The following PCDHGB4 variants were observed in gnomAD, a reference collection of about 807,000 sequenced individuals.
PCDHGB4 encodes the protein protocadherin gamma-B4.
PCDHGB4 carries 38 observed loss-of-function variants against 60.5 expected under a neutral mutation model. The observed-to-expected ratio is 0.63, with a 90% CI of 0.48 to 0.82. The LOEUF is 0.82. Among genes scored for constraint, PCDHGB4 ranks in the 40% least tolerant of loss-of-function variants. The probability of loss-of-function intolerance (pLI) is 0.00; values close to 1 mark genes in which losing one functional copy is unlikely to be tolerated. For synonymous variants in PCDHGB4, 456 were observed against 509.7 expected, an observed-to-expected ratio of 0.89 and a Z score of 1.42; for missense variants, 1,109 against 1,209.6, an observed-to-expected ratio of 0.92 and a Z score of 1.23.
rs2092045935 is a variant in PCDHGB4, at chr5:141,390,100, C to A, written c.2216C>A (p.Pro739His). The change falls in exon 1 of 4, where the codon CCC becomes CAC. Residue 739 changes from proline to histidine, a missense_variant. Coordinates refer to ENST00000519479, the MANE Select transcript of PCDHGB4 (RefSeq NM_003736.4). ...GTTAAATCCGAATCCGTGGTTCCCCCCAACTACAGCGAGGGGACTTTGCCT... is the reference window on the plus strand; with the variant it reads ...GTTAAATCCGAATCCGTGGTTCCCCACAACTACAGCGAGGGGACTTTGCCT... ...LCVKSESVVP[P>H]NYSEGTLPYS... The A allele has an allele frequency of 1.2e-6, 2 of 1,614,060 alleles. No homozygotes were observed. The highest frequency in any genetic ancestry group is 1.7e-6 in the Non-Finnish European group (2 of 1,179,888).
intron 1 of PCDHGB4, chr5:141,428,729 A>T (rs1362138016): frequency 6.3e-6 from 1 of 159,768 alleles, no homozygotes; most frequent in East Asian, 1.8e-4. Flanking sequence ...AATCTTAAAC[A>T]TATTATATCT....
At position 141,490,207 on chromosome 5, in the gene PCDHGB4, C is replaced by G. The variant is rs142098675; in HGVS notation, c.2398-4600C>G. ...TTTCTATGAAATTCATGCAAGAGCC[C>G]GTGACCAGGGACAGCCTGCCATGGA... On this transcript the variant is annotated intron_variant, in intron 1 of 3. Coordinates refer to ENST00000519479, the MANE Select transcript of PCDHGB4 (RefSeq NM_003736.4). This position sits in a 1 kb window ranked among gnomAD's most constrained non-coding sequence, Gnocchi z 5.4. 2.9e-4 allele frequency: 470 copies of G among 1,614,056 alleles called. 1 individual carries two copies. Among genetic ancestry groups the G allele is most frequent in the Non-Finnish European group, 3.7e-4 (439 of 1,180,030 alleles).
chr5:141,394,633 G>T, intron 1 of PCDHGB4: 2 of 1,613,390 alleles, frequency 1.2e-6, no homozygotes, highest in Non-Finnish European at 1.7e-6. Context: ...CTGTCCTACC[G>T]CCTGCTCAAG....
Position 141,388,511 on chromosome 5 carries a change from C to G in PCDHGB4, c.627C>G (p.His209Gln). 6.2e-7 allele frequency: 1 copy of G among 1,613,868 alleles called. No homozygotes were observed. Among genetic ancestry groups the G allele is most frequent in the Non-Finnish European group, 8.5e-7 (1 of 1,179,906 alleles). Residue 209 changes from histidine (H) to glutamine (Q), a missense_variant, in exon 1 of 4, where the codon CAC becomes CAG. Physicochemically the swap from His to Gln is conservative, Grantham distance 24 (BLOSUM62 0). Coordinates refer to ENST00000519479, the MANE Select transcript of PCDHGB4 (RefSeq NM_003736.4). ...ACAGAGAAAAGCAGAAATCCTACCA[C>G]TTGACTTTGACTGCCTTGGACTTTG... ...PLDREKQKSY[H>Q]LTLTALDFGA...
At chr5:141,478,683 C>G (rs1355955377) in intron 1 of PCDHGB4, 14 of 1,551,164 alleles carry the variant, frequency 9.0e-6, no homozygotes, top group African/African-American at 1.4e-5. Flanking sequence ...CTGGCCCTTC[C>G]TAGATCAAAG....
At chr5:141,409,798 G>T (rs2095317053) in intron 1 of PCDHGB4, 1 of 1,611,672 alleles carries the variant, frequency 6.2e-7, no homozygotes, top group South Asian at 1.1e-5. Context: ...CGCTCACGCT[G>T]CAGGCCCGCG....
intron 1 of PCDHGB4, among the ~76,000 whole-genome samples, chr5:141,468,868 A>T (rs1006995156): frequency 9.2e-5 from 14 of 151,794 alleles, no homozygotes; most frequent in African/African-American, 2.4e-4. Flanking sequence ...TCCATCTCAA[A>T]AATAATAATA....
chr5:141,396,179 C>G (rs948602586), intron 1 of PCDHGB4: 1 of 152,178 alleles, frequency 6.6e-6, no homozygotes, highest in African/African-American at 2.4e-5. Context: ...CTTGGCTGGA[C>G]ACAGTGCCTC....
At chr5:141,403,836 A>G (rs370798833) in intron 1 of PCDHGB4, 8 of 1,613,670 alleles carry the variant, frequency 5.0e-6, no homozygotes, top group African/African-American at 1.3e-5. Context: ...TTCCAGCTTA[A>G]TGAAAATACT....
At chr5:141,504,476 A>G (rs998883721) in intron 2 of PCDHGB4, among the ~76,000 whole-genome samples, 4 of 152,016 alleles carry the variant, frequency 2.6e-5, no homozygotes, top group African/African-American at 9.7e-5. Context: ...GGATGGGAGT[A>G]CAGTGGAGGC....
intron 1 of PCDHGB4, among the ~76,000 whole-genome samples, chr5:141,435,134 A>G (rs1190517186): frequency 6.6e-6 from 1 of 152,190 alleles, no homozygotes; most frequent in Non-Finnish European, 1.5e-5. Context: ...GAAAATATAA[A>G]TAAAATTGTG....
chr5:141,497,211 G>T (rs914346878), intron 2 of PCDHGB4, among the ~76,000 whole-genome samples: 12 of 28,538 alleles, frequency 4.2e-4, no homozygotes, highest in African/African-American at 1.1e-3. Context: ...GAGTGTAATG[G>T]GGGGGGGAAG....
chr5:141,483,530 GC>G (rs1384645281), intron 1 of PCDHGB4, among the ~76,000 whole-genome samples: 2 of 152,158 alleles, frequency 1.3e-5, no homozygotes, highest in African/African-American at 4.8e-5. Flanking sequence ...GACTAAGGAA[GC>G]TGGGTGGTTG....
At chr5:141,401,614 G>T (rs1242268897) in intron 1 of PCDHGB4, among the ~76,000 whole-genome samples, 1 of 152,188 alleles carries the variant, frequency 6.6e-6, no homozygotes, top group Non-Finnish European at 1.5e-5. Context: ...AAAGACACCG[G>T]ATTTGTCTTA....
At chr5:141,394,260 G>A (rs779006100) in intron 1 of PCDHGB4, 2 of 1,613,802 alleles carry the variant, frequency 1.2e-6, no homozygotes, top group African/African-American at 2.7e-5. Flanking sequence ...CGACAGCCAG[G>A]AGAATGCCCA....
Position 141,487,203 on chromosome 5 carries a change from G to A in PCDHGB4, c.2398-7604G>A, listed in dbSNP as rs765707343. 6.8e-6 allele frequency: 11 copies of A among 1,613,804 alleles called. No homozygotes were observed. The highest frequency in any genetic ancestry group is 5.3e-5 in the African/African-American group (4 of 74,890). The stretch of plus-strand genomic sequence containing the variant: ...ACTCATCCAGTTGTCCCAGATCTTC[G>A]AGAATCTTCAGCTCCAAGGGAAGGA... On this transcript the variant is annotated intron_variant, in intron 1 of 3. Transcript: ENST00000519479. This position sits in a 1 kb window ranked among gnomAD's most constrained non-coding sequence, Gnocchi z 5.0.
Position 141,475,971 on chromosome 5 carries a change from C to G in PCDHGB4, c.2398-18836C>G, listed in dbSNP as rs750016455. On this transcript the variant is annotated intron_variant, in intron 1 of 3. Coordinates refer to ENST00000519479, the MANE Select transcript of PCDHGB4 (RefSeq NM_003736.4). The stretch of plus-strand genomic sequence containing the variant: ...TCTGCGCCCCGGGATGAGGCAGAGA[C>G]TGAACAGCCGGCGAGCAAATCAACG... 2.5e-5 allele frequency: 24 copies of G among 954,292 alleles called. No individual in the cohort carries two copies. In the African/African-American group the frequency reaches 3.4e-4, roughly 14 times the overall value. 59.1% of individuals were successfully genotyped at this position (954,292 alleles called of 1,614,324 possible). A position where few individuals can be genotyped will look rare whatever the true frequency, so the allele number is the denominator to read the frequency against.
Position 141,511,380 on chromosome 5 carries a change from C to G in PCDHGB4, c.*207C>G. The G allele has an allele frequency of 7.7e-6, 9 of 1,170,490 alleles. No individual in the cohort carries two copies. The highest frequency in any genetic ancestry group is 1.1e-5 in the Non-Finnish European group (9 of 854,564). 72.5% of individuals were successfully genotyped at this position (1,170,490 alleles called of 1,614,324 possible). A position where few individuals can be genotyped will look rare whatever the true frequency, so the allele number is the denominator to read the frequency against. On this transcript the variant is annotated 3_prime_UTR_variant, in exon 4 of 4. Transcript: ENST00000519479. ...GGGGTTGAATATGCAAAAGCAGTTC[C>G]GCTGGGAACCCCCATCCAATCAACT...
intron 1 of PCDHGB4, among the ~76,000 whole-genome samples, chr5:141,426,030 G>A (rs966664613): frequency 1.3e-5 from 2 of 152,168 alleles, no homozygotes; most frequent in Admixed American, 6.5e-5. Context: ...AATAGACTCA[G>A]AGCCCTGCTG....
Sources: allele counts gnomAD v4.1 joint callset (sites outside exome capture counted in the v4.1 genomes callset), GRCh38; gene constraint gnomAD v4.1.1; non-coding constraint Gnocchi (gnomAD v3.1); transcripts MANE v1.5; gene names NCBI Gene and HGNC (gene_info 2026-07-23, HGNC 2026-07-21).